NTRK2: variants seen among roughly 807,000 people sequenced by gnomAD.
NTRK2 encodes BDNF/NT-3 growth factors receptor.
Under a neutral mutation model 94.5 loss-of-function variants are expected in NTRK2, and 13 were observed. The observed-to-expected ratio is 0.14, with a 90% confidence interval of 0.09 to 0.22. NTRK2 has a LOEUF of 0.22. Among genes scored for constraint, NTRK2 ranks in the 10% least tolerant of loss-of-function variants. NTRK2 has a pLI of 1.00. For missense variants in NTRK2, 639 were observed against 1,071.2 expected (o/e 0.60, Z 5.63); for synonymous variants, 372 against 407.4 (o/e 0.91, Z 1.05).
intron 2 of NTRK2, among the ~76,000 whole-genome samples, chr9:84,696,048 A>G (rs564451316): frequency 3.9e-5 from 6 of 152,306 alleles, no homozygotes; most frequent in African/African-American, 1.4e-4. Flanking sequence ...TTGCTCTGTC[A>G]CCCAGGCTGG....
intron 15 of NTRK2, among the ~76,000 whole-genome samples, chr9:84,940,255 C>T (rs935469833): frequency 1.3e-5 from 2 of 152,172 alleles, no homozygotes. Context: ...ATGACCAACT[C>T]AAATAGGAAT....
chr9:84,693,783 A>C (rs1413230554), intron 2 of NTRK2, among the ~76,000 whole-genome samples: 1 of 152,242 alleles, frequency 6.6e-6, no homozygotes, highest in Non-Finnish European at 1.5e-5. Flanking sequence ...TCATATAGCC[A>C]GTAAGAGGTG....
intron 2 of NTRK2, among the ~76,000 whole-genome samples, chr9:84,681,875 G>A (rs941582263): frequency 3.3e-5 from 5 of 152,084 alleles, no homozygotes; most frequent in African/African-American, 1.2e-4. Context: ...TATATAAAGA[G>A]GCATATAACT....
At chr9:84,799,964 C>T (rs908633265) in intron 12 of NTRK2, among the ~76,000 whole-genome samples, 8 of 152,100 alleles carry the variant, frequency 5.3e-5, no homozygotes, top group Non-Finnish European at 1.0e-4. Flanking sequence ...TACTTTCTCC[C>T]TCAAGAAATT....
chr9:84,729,915 G>T (rs1280054444), intron 9 of NTRK2, among the ~76,000 whole-genome samples: 1 of 152,166 alleles, frequency 6.6e-6, no homozygotes. Flanking sequence ...ATTTGGTAGA[G>T]CTGAACTCTT....
intron 12 of NTRK2, among the ~76,000 whole-genome samples, chr9:84,759,229 A>G (rs2065335255): frequency 6.6e-6 from 1 of 152,220 alleles, no homozygotes; most frequent in African/African-American, 2.4e-5. Flanking sequence ...TGTGTTTGTG[A>G]GGTGAGGATC....
intron 15 of NTRK2, among the ~76,000 whole-genome samples, chr9:84,935,569 T>C (rs1335261543): frequency 6.6e-6 from 1 of 152,090 alleles, no homozygotes; most frequent in African/African-American, 2.4e-5. Context: ...ATGATAAATG[T>C]AAACATTTTT....
chr9:84,785,282 G>A (rs140060514), intron 12 of NTRK2, among the ~76,000 whole-genome samples: 9 of 152,250 alleles, frequency 5.9e-5, no homozygotes, highest in East Asian at 1.9e-4. Context: ...CAAAACTTGC[G>A]TCATAGGTAA....
intron 12 of NTRK2, among the ~76,000 whole-genome samples, chr9:84,768,786 T>C (rs929287616): frequency 6.6e-6 from 1 of 152,108 alleles, no homozygotes; most frequent in Admixed American, 6.6e-5. Flanking sequence ...TGGGAATTCA[T>C]AGCCAAGAAG....
chr9:84,767,034 A>T (rs928707627), intron 12 of NTRK2, among the ~76,000 whole-genome samples: 2 of 152,176 alleles, frequency 1.3e-5, no homozygotes, highest in Non-Finnish European at 2.9e-5. Context: ...GGCCATGGCC[A>T]CTTGAGACTA....
At chr9:84,779,917 G>A (rs12555159) in intron 12 of NTRK2, among the ~76,000 whole-genome samples, 12,730 of 152,098 alleles carry the variant, frequency 0.084, 946 homozygotes, top group African/African-American at 0.19. Context: ...TGCTAAAAGG[G>A]AACCAAGATA....
In NTRK2 at chr9:84,975,914, C is replaced by G. The variant is rs1010922448; in HGVS notation, c.2172+20397C>G. On this transcript the variant is annotated intron_variant, in intron 17 of 18. Coordinates refer to ENST00000277120, the MANE Select transcript of NTRK2 (RefSeq NM_006180.6). ...GGGAAACACAAAGGATAGCATAGGT[C>G]CCTATGCCCCCTTGGTCTGAAGGGA... 3.9e-5 allele frequency among the ~76,000 whole-genome samples: 6 copies of G among 152,186 alleles called. No individual in the cohort carries two copies. In the South Asian group the frequency reaches 1.0e-3, roughly 26 times the overall value.
intron 17 of NTRK2, among the ~76,000 whole-genome samples, chr9:85,000,953 T>A (rs968208635): frequency 1.3e-5 from 2 of 152,244 alleles, no homozygotes; most frequent in Admixed American, 6.5e-5. Context: ...ATTTTAGCCA[T>A]TCTAATAGGC....
chr9:84,829,804 A>C (rs1383104451), intron 12 of NTRK2, among the ~76,000 whole-genome samples: 2 of 152,052 alleles, frequency 1.3e-5, no homozygotes, highest in Non-Finnish European at 2.9e-5. Context: ...TCTGCACTAA[A>C]CCCCATCTTT....
intron 14 of NTRK2, among the ~76,000 whole-genome samples, chr9:84,909,318 C>T (rs991394592): frequency 2.6e-5 from 4 of 152,084 alleles, no homozygotes; most frequent in East Asian, 1.9e-4. Context: ...TTTAACCATA[C>T]GCCTATTGAA....
intron 14 of NTRK2, among the ~76,000 whole-genome samples, chr9:84,880,416 G>A (rs1012484449): frequency 6.6e-6 from 1 of 152,168 alleles, no homozygotes; most frequent in Non-Finnish European, 1.5e-5. Context: ...GCCTTGATGC[G>A]AATCTTATGA....
chr9:84,832,123 T>C (rs1376454348), intron 12 of NTRK2, among the ~76,000 whole-genome samples: 1 of 152,224 alleles, frequency 6.6e-6, no homozygotes, highest in Non-Finnish European at 1.5e-5. Context: ...CTTAATATTC[T>C]TGTATTCTCT....
At chr9:84,847,068 A>G (rs918930303) in intron 12 of NTRK2, among the ~76,000 whole-genome samples, 2 of 152,244 alleles carry the variant, frequency 1.3e-5, no homozygotes, top group African/African-American at 4.8e-5. Context: ...GTATATGTCT[A>G]TTCATTCCCA....
At chr9:84,791,063 A>G (rs1174273803) in intron 12 of NTRK2, among the ~76,000 whole-genome samples, 1 of 152,222 alleles carries the variant, frequency 6.6e-6, no homozygotes, top group Non-Finnish European at 1.5e-5. Context: ...AAGATTCTCT[A>G]ACTTACTAAT....
Sources: allele counts gnomAD v4.1 joint callset (sites outside exome capture counted in the v4.1 genomes callset), GRCh38; gene constraint gnomAD v4.1.1; transcripts MANE v1.5; gene names NCBI Gene and HGNC (gene_info 2026-07-23, HGNC 2026-07-21).